Variants in ATRX observed in about 807,000 individuals in gnomAD.
ATRX encodes the protein ATRX chromatin remodeler.
Under a neutral mutation model 172.6 loss-of-function variants are expected in ATRX, and 12 were observed. The ratio of observed to expected loss-of-function variants is 0.07; its 90% CI spans 0.04 to 0.11. The LOEUF (loss-of-function observed/expected upper bound fraction) is 0.11. Among genes scored for constraint, ATRX ranks in the 10% least tolerant of loss-of-function variants. ATRX has a pLI of 1.00. For missense variants in ATRX, 1,368 were observed against 1,767.4 expected, an observed-to-expected ratio of 0.77 and a Z score of 4.05; for synonymous variants, 674 against 594.7, an observed-to-expected ratio of 1.13 and a Z score of -1.94.
chrX:77,528,478 C>T (rs1360619968), intron 30 of ATRX, among the ~76,000 whole-genome samples: 3 of 110,938 alleles, frequency 2.7e-5, no homozygotes, highest in Non-Finnish European at 3.8e-5. Context: ...GGTTGCCAGC[C>T]GCCTCCTGCA....
chrX:77,649,297 A>AC (rs1453723546), intron 15 of ATRX, among the ~76,000 whole-genome samples: 1 of 112,147 alleles, frequency 8.9e-6, no homozygotes, highest in Non-Finnish European at 1.9e-5. Flanking sequence ...TTCAAGGAAT[A>AC]CAAGACATTT....
chrX:77,697,739 T>C (rs2072263757), intron 3 of ATRX, 104 bp from the exon 4 acceptor site: 1 of 636,862 alleles, frequency 1.6e-6, no homozygotes, highest in South Asian at 3.3e-5. Flanking sequence ...TATAATGAGA[T>C]GCTATTTATG....
intron 27 of ATRX, among the ~76,000 whole-genome samples, chrX:77,585,583 CAAAAAAAAAAAAAAAAAAAAA>C (rs781792876): frequency 7.1e-3 from 61 of 8,554 alleles, no homozygotes; most frequent in South Asian, 0.017. Flanking sequence ...CTCCCCCCAC[CAAAAAAAAAAAAAAAAAAAAA>C]AAAAAAAAAA....
At chrX:77,609,275 G>A (rs1355690617) in intron 22 of ATRX, among the ~76,000 whole-genome samples, 2 of 111,477 alleles carry the variant, frequency 1.8e-5, no homozygotes, top group Non-Finnish European at 3.8e-5. Flanking sequence ...TGAAGAGATT[G>A]GCACTCCTAT....
intron 4 of ATRX, 88 bp from the exon 5 acceptor site, chrX:77,696,792 G>A (rs185976040): frequency 1.0e-6 from 1 of 954,799 alleles, no homozygotes; most frequent in Admixed American, 2.4e-5. Context: ...TTGAGATTGA[G>A]CAGTGGGTCT....
intron 10 of ATRX, among the ~76,000 whole-genome samples, chrX:77,666,688 T>C (rs1317090744): frequency 2.7e-5 from 3 of 111,907 alleles, no homozygotes; most frequent in African/African-American, 9.7e-5. Context: ...GGCGAAACCC[T>C]GTCTCTACTA....
At chrX:77,599,604 C>G (rs45608236) in intron 24 of ATRX, 24 bp from the exon 25 acceptor site, 1 of 1,198,668 alleles carries the variant, frequency 8.3e-7, no homozygotes, top group Admixed American at 2.2e-5. Flanking sequence ...AACAAACAAA[C>G]AAAAAAACAC....
chrX:77,556,566 CT>C (rs1202010540), intron 30 of ATRX, among the ~76,000 whole-genome samples: 8 of 110,875 alleles, frequency 7.2e-5, no homozygotes, highest in Non-Finnish European at 1.3e-4. Flanking sequence ...CTTTGTAAAC[CT>C]TAAAGTTTTC....
chrX:77,667,498 T>C (rs968474580), intron 10 of ATRX, among the ~76,000 whole-genome samples: 12 of 111,336 alleles, frequency 1.1e-4, no homozygotes, highest in Non-Finnish European at 2.3e-4. Flanking sequence ...TTCAACAACC[T>C]GATTTCAGTT....
Position 77,683,751 on chromosome X carries a change from G to C in ATRX, c.1505C>G (p.Pro502Arg), listed in dbSNP as rs2148620999. ...AGAAGTGTTGGCAGGTTCATATTGA[G>C]GTTCTTCTTTTCTATCAGATTTCTT... ...EHKKSDRKEE[P>R]QYEPANTSED... is the part of the protein sequence containing the mutation. Residue 502 changes from proline to arginine, a missense_variant, in exon 9 of 35, where the codon CCT becomes CGT. Pro to Arg is a moderately radical substitution (Grantham distance 103, BLOSUM62 -2). Transcript: ENST00000373344. 2 of 1,210,428 alleles carry C rather than the reference G, an allele frequency of 1.7e-6. No homozygotes were observed. The highest frequency in any genetic ancestry group is 2.2e-6 in the Non-Finnish European group (2 of 894,674).
At chrX:77,714,473 G>GC (rs1390724131) in intron 2 of ATRX, among the ~76,000 whole-genome samples, 1 of 111,596 alleles carries the variant, frequency 9.0e-6, no homozygotes, top group Non-Finnish European at 1.9e-5. Flanking sequence ...ATCTCAAAGT[G>GC]CCCCCCATTA....
At chrX:77,542,415 G>A (rs1363455759) in intron 30 of ATRX, among the ~76,000 whole-genome samples, 1 of 111,785 alleles carries the variant, frequency 8.9e-6, no homozygotes, top group Non-Finnish European at 1.9e-5. Context: ...TAGATTCAAT[G>A]CTGTCCCCAT....
intron 22 of ATRX, among the ~76,000 whole-genome samples, chrX:77,603,590 G>C (rs1429925830): frequency 9.5e-6 from 1 of 105,797 alleles, no homozygotes; most frequent in Non-Finnish European, 1.9e-5. Flanking sequence ...TGGCCAGGTT[G>C]GTCTTGAACT....
intron 7 of ATRX, among the ~76,000 whole-genome samples, chrX:77,685,852 T>C (rs782684466): frequency 1.8e-5 from 2 of 112,141 alleles, no homozygotes; most frequent in East Asian, 2.8e-4. Flanking sequence ...TGGAGTACTA[T>C]TCAGCCATAA....
chrX:77,618,626 T>G (rs1347700053), intron 21 of ATRX, among the ~76,000 whole-genome samples, 180 bp downstream of exon 21: 1 of 111,963 alleles, frequency 8.9e-6, no homozygotes, highest in African/African-American at 3.2e-5. Flanking sequence ...GAACTTCTTT[T>G]TTAAAAGTTG....
chrX:77,721,114 T>C (rs782244535), intron 1 of ATRX, among the ~76,000 whole-genome samples: 39 of 111,581 alleles, frequency 3.5e-4, no homozygotes, highest in Non-Finnish European at 1.5e-4. Context: ...AGGACTTCAA[T>C]AAAATTCAAC....
At chrX:77,650,458 G>T (rs1487585390) in intron 15 of ATRX, among the ~76,000 whole-genome samples, 1 of 111,930 alleles carries the variant, frequency 8.9e-6, no homozygotes, top group Non-Finnish European at 1.9e-5. Flanking sequence ...TTAAGCAAAT[G>T]AACTGTAAGA....
chrX:77,677,101 A>G (rs1456083285), intron 9 of ATRX, among the ~76,000 whole-genome samples: 11 of 108,086 alleles, frequency 1.0e-4, no homozygotes, highest in African/African-American at 3.8e-4. Context: ...CAGCCTGGGT[A>G]ACAACTCTCT....
intron 1 of ATRX, among the ~76,000 whole-genome samples, chrX:77,737,024 A>G (rs1557179415): frequency 9.0e-6 from 1 of 110,935 alleles, no homozygotes; most frequent in African/African-American, 3.3e-5. Flanking sequence ...AAATCAAAAC[A>G]AACTCATGGA....
Sources: allele counts gnomAD v4.1 joint callset (sites outside exome capture counted in the v4.1 genomes callset), GRCh38; gene constraint gnomAD v4.1.1; transcripts MANE v1.5; gene names NCBI Gene and HGNC (gene_info 2026-07-23, HGNC 2026-07-21).